PCDHGA5: variants seen among roughly 807,000 people sequenced by gnomAD.
PCDHGA5 encodes protocadherin gamma subfamily A, 5.
A neutral mutation model predicts 56.7 loss-of-function variants in PCDHGA5; 36 were observed. The ratio of observed to expected loss-of-function variants is 0.64; its 90% CI spans 0.49 to 0.84. The LOEUF (loss-of-function observed/expected upper bound fraction) is 0.84. PCDHGA5 is among the 40% of genes least tolerant of loss of function. PCDHGA5 has a pLI of 0.00. For synonymous variants in PCDHGA5, 563 were observed against 520.2 expected, an observed-to-expected ratio of 1.08 and a Z score of -1.12; for missense variants, 1,305 against 1,201.5, an observed-to-expected ratio of 1.09 and a Z score of -1.27.
At chr5:141,413,353 C>T (rs2095629361) in intron 1 of PCDHGA5, 2 of 1,613,844 alleles carry the variant, frequency 1.2e-6, no homozygotes, top group Middle Eastern at 1.6e-4. Context: ...GGGTCTGGCG[C>T]CCCGGGAGCT....
Position 141,477,918 on chromosome 5 carries a change from G to A in PCDHGA5, c.2422-16889G>A. 1 of 1,614,154 alleles carries A rather than the reference G, an allele frequency of 6.2e-7. No individual in the cohort carries two copies. Among genetic ancestry groups the A allele is most frequent in the Admixed American group, 1.7e-5 (1 of 60,026 alleles). ...GTGGTAGGCTGGGACGCGGATGCAG[G>A]GCACAATGCCTGGCTCTCCTACAGT... is the stretch of plus-strand genomic sequence containing the variant. On this transcript the variant is annotated intron_variant, in intron 1 of 3. Coordinates refer to ENST00000518069, the MANE Select transcript of PCDHGA5 (RefSeq NM_018918.3). The surrounding 1 kb of genome is among the most constrained non-coding windows in gnomAD (Gnocchi z 4.9).
Position 141,365,091 on chromosome 5 carries a change from A to C in PCDHGA5, c.761A>C (p.Asn254Thr), listed in dbSNP as rs1251688071. 1 of 1,613,870 alleles carries C rather than the reference A, an allele frequency of 6.2e-7. No individual in the cohort carries two copies. The highest frequency in any genetic ancestry group is 1.7e-5 in the Admixed American group (1 of 60,034). Residue 254 changes from asparagine to threonine, a missense_variant, in exon 1 of 4, where the codon AAC becomes ACC. Transcript: ENST00000518069. ...PSEYSVSVPE[N>T]IPVGTRLLML... ...GAGTACAGCGTGAGTGTTCCAGAGA[A>C]CATACCTGTGGGCACTCGGCTGCTC...
At chr5:141,418,265 G>A (rs2096242953) in intron 1 of PCDHGA5, 1 of 1,614,062 alleles carries the variant, frequency 6.2e-7, no homozygotes, top group East Asian at 2.2e-5. Context: ...ATTCCGGAAA[G>A]ATGAAATAAA....
chr5:141,398,107 A>C, intron 1 of PCDHGA5: 1 of 1,595,524 alleles, frequency 6.3e-7, no homozygotes, highest in Non-Finnish European at 8.5e-7. Flanking sequence ...GCTGGTGAGC[A>C]AGCTGAGGAG....
chr5:141,510,529 A>G (rs2099881539), intron 3 of PCDHGA5, among the ~76,000 whole-genome samples: 2 of 152,242 alleles, frequency 1.3e-5, no homozygotes, highest in Admixed American at 6.5e-5. Flanking sequence ...CCCTGAGAGA[A>G]ATACCAGCGA....
At chr5:141,383,331 G>A (rs1374498220) in intron 1 of PCDHGA5, 1 of 1,613,874 alleles carries the variant, frequency 6.2e-7, no homozygotes, top group East Asian at 2.2e-5. Flanking sequence ...AAATAATGGA[G>A]AATACAGCTC....
intron 1 of PCDHGA5, chr5:141,433,196 C>A (rs750657930): frequency 4.4e-6 from 7 of 1,575,116 alleles, no homozygotes; most frequent in African/African-American, 1.4e-5. Context: ...GAGTTTATAT[C>A]AAATCTTCTT....
At chr5:141,368,236 C>G (rs1444187989) in intron 1 of PCDHGA5, among the ~76,000 whole-genome samples, 1 of 152,160 alleles carries the variant, frequency 6.6e-6, no homozygotes, top group Non-Finnish European at 1.5e-5. Context: ...CTACATTACT[C>G]AACCACATGA....
intron 1 of PCDHGA5, chr5:141,383,899 C>T (rs560928380): frequency 1.2e-6 from 2 of 1,613,958 alleles, no homozygotes; most frequent in African/African-American, 2.7e-5. Context: ...GGCAAAAGTA[C>T]TGATCACAGT....
chr5:141,410,031 AG>A lies in PCDHGA5; in HGVS notation c.2421+43282del, dbSNP rs1303415196. ...GCCTGGCTGTCCTACCACGTGCTGCAGGCCAGTGAGCCCGGACTCTTCAGCC... is the reference window on the plus strand; with the variant it reads ...GCCTGGCTGTCCTACCACGTGCTGCAGCCAGTGAGCCCGGACTCTTCAGCC... On this transcript the variant is annotated intron_variant, in intron 1 of 3. Coordinates refer to ENST00000518069, the MANE Select transcript of PCDHGA5 (RefSeq NM_018918.3). 3.1e-6 allele frequency: 5 copies of A among 1,613,236 alleles called. No homozygotes were observed. In the South Asian group the frequency reaches 5.5e-5, roughly 18 times the overall value.
chr5:141,451,112 G>A (rs776356458), intron 1 of PCDHGA5, among the ~76,000 whole-genome samples: 9 of 152,236 alleles, frequency 5.9e-5, no homozygotes, highest in Admixed American at 1.3e-4. Flanking sequence ...ACAGGCGTGA[G>A]CCACCACACC....
chr5:141,414,793 G>A lies in PCDHGA5; in HGVS notation c.2421+48042G>A, dbSNP rs756653393. On this transcript the variant is annotated intron_variant, in intron 1 of 3. Transcript: ENST00000518069. ...GCTACAGATGCAGGTGACAGCCAGCGACAGCGGGGATCCTCCACTCAGCAG... is the reference window on the plus strand; with the variant it reads ...GCTACAGATGCAGGTGACAGCCAGCAACAGCGGGGATCCTCCACTCAGCAG... 2.5e-6 allele frequency: 4 copies of A among 1,614,100 alleles called. No individual in the cohort carries two copies. The African/African-American group carries it at 4.0e-5, about 16-fold the overall frequency.
intron 1 of PCDHGA5, among the ~76,000 whole-genome samples, chr5:141,406,446 CTA>C: frequency 6.6e-6 from 1 of 152,200 alleles, no homozygotes; most frequent in Non-Finnish European, 1.5e-5. Context: ...TCTTCCATTT[CTA>C]TGACAGGAAA....
At chr5:141,429,929 T>A (rs2097253197) in intron 1 of PCDHGA5, among the ~76,000 whole-genome samples, 1 of 152,240 alleles carries the variant, frequency 6.6e-6, no homozygotes, top group African/African-American at 2.4e-5. Flanking sequence ...AATAGAATTC[T>A]GGAGTACTTC....
At chr5:141,419,644 C>T (rs867285747) in intron 1 of PCDHGA5, 1 of 1,612,514 alleles carries the variant, frequency 6.2e-7, no homozygotes, top group Middle Eastern at 1.7e-4. Context: ...TGGCCGTGGA[C>T]GCGGACTCGG....
intron 1 of PCDHGA5, chr5:141,429,208 G>A (rs568951026): frequency 5.4e-4 from 77 of 142,568 alleles, no homozygotes; most frequent in African/African-American, 1.9e-3. Context: ...ACACACACGT[G>A]TGAAAAGTGG....
At position 141,365,377 on chromosome 5, in the gene PCDHGA5, C is replaced by T. The variant is rs1259011654; in HGVS notation, c.1047C>T (p.Leu349=). Residue 349 remains leucine (L), a synonymous_variant, in exon 1 of 4, where the codon CTC becomes CTT. Transcript: ENST00000518069. The part of the protein sequence containing the change: ...DVNDNAPEVI[L]TSLTSSISED... The stretch of plus-strand genomic sequence containing the variant: ...ATGACAATGCCCCCGAAGTGATCCT[C>T]ACCTCTCTGACCAGTTCGATCTCTG... 5 of 1,613,982 alleles carry T rather than the reference C, an allele frequency of 3.1e-6. No homozygotes were observed. Among genetic ancestry groups the T allele is most frequent in the Non-Finnish European group, 4.2e-6 (5 of 1,179,890 alleles).
intron 1 of PCDHGA5, chr5:141,399,474 C>T (rs1282833757): frequency 6.2e-7 from 1 of 1,614,032 alleles, no homozygotes; most frequent in South Asian, 1.1e-5. Flanking sequence ...CGGTTTTCCA[C>T]CAGGCGTCCT....
chr5:141,413,656 G>A, intron 1 of PCDHGA5: 1 of 1,613,872 alleles, frequency 6.2e-7, no homozygotes, highest in Non-Finnish European at 8.5e-7. Flanking sequence ...TCTCCCGGAA[G>A]CTATTGATCC....
Sources: gnomAD v4.1 joint callset for allele counts (sites outside exome capture counted in the v4.1 genomes callset) on GRCh38, gnomAD v4.1.1 for gene constraint, Gnocchi (gnomAD v3.1) non-coding constraint, MANE v1.5 for transcripts, NCBI Gene and HGNC (gene_info 2026-07-23, HGNC 2026-07-21) for gene names.